PCDHGA2: variants seen among roughly 807,000 people sequenced by gnomAD.
PCDHGA2 encodes protocadherin gamma subfamily A, 2.
Under a neutral mutation model 59.2 loss-of-function variants are expected in PCDHGA2, and 40 were observed. The ratio of observed to expected loss-of-function variants is 0.68; its 90% CI spans 0.52 to 0.88. PCDHGA2 has a LOEUF of 0.88. PCDHGA2 is among the 40% of genes least tolerant of loss of function. PCDHGA2 has a pLI of 0.00. For synonymous variants in PCDHGA2, 560 were observed against 526.0 expected, an observed-to-expected ratio of 1.06 and a Z score of -0.89; for missense variants, 1,226 against 1,204.0, an observed-to-expected ratio of 1.02 and a Z score of -0.27.
intron 1 of PCDHGA2, chr5:141,372,710 T>C (rs1366946720): frequency 6.2e-7 from 1 of 1,613,996 alleles, no homozygotes; most frequent in Admixed American, 1.7e-5. Context: ...ATATAAAGGC[T>C]GAAAATGCTG....
chr5:141,357,212 T>A (rs774627882), intron 1 of PCDHGA2: 9 of 1,613,742 alleles, frequency 5.6e-6, no homozygotes, highest in Non-Finnish European at 6.8e-6. Flanking sequence ...ATCCCAGATG[T>A]CCTGGCTGAC....
chr5:141,384,973 T>C, intron 1 of PCDHGA2: 1 of 1,613,956 alleles, frequency 6.2e-7, no homozygotes, highest in Non-Finnish European at 8.5e-7. Flanking sequence ...CCTCACGTTG[T>C]ACCTGGTGGT....
intron 1 of PCDHGA2, among the ~76,000 whole-genome samples, chr5:141,472,935 A>G (rs1593400204): frequency 6.6e-6 from 1 of 150,778 alleles, no homozygotes; most frequent in East Asian, 1.9e-4. Context: ...GTGGTGAGCC[A>G]AGATTATGCC....
intron 1 of PCDHGA2, chr5:141,400,228 C>T: frequency 1.2e-6 from 2 of 1,614,030 alleles, no homozygotes; most frequent in African/African-American, 2.7e-5. Flanking sequence ...GCTCTTCCTC[C>T]TGGCCGTGAT....
chr5:141,433,313 C>T (rs2097582516), intron 1 of PCDHGA2: 5 of 866,388 alleles, frequency 5.8e-6, no homozygotes, highest in Admixed American at 2.8e-5. Context: ...CCCACCTTTG[C>T]CTCCGGTGTA....
chr5:141,389,886 G>A, intron 1 of PCDHGA2: 1 of 1,614,078 alleles, frequency 6.2e-7, no homozygotes, highest in Non-Finnish European at 8.5e-7. Context: ...CAGCTTGCAG[G>A]AGGTGCTGCC....
rs1230384508 is a variant in PCDHGA2 at position 141,490,990 on chromosome 5, C to T, written c.2425-3817C>T. On this transcript the variant is annotated intron_variant, in intron 1 of 3. Coordinates refer to ENST00000394576, the MANE Select transcript of PCDHGA2 (RefSeq NM_018915.4). The surrounding 1 kb of genome is among the most constrained non-coding windows in gnomAD (Gnocchi z 5.4). ...CCCCCAGCGTCTCCCTCGCTCTGCT[C>T]CTCCTGGCTCCTTGGTCACCAAGGT... 6 of 1,614,102 alleles carry T rather than the reference C, an allele frequency of 3.7e-6. No homozygotes were observed. The highest frequency in any genetic ancestry group is 1.3e-5 in the African/African-American group (1 of 75,064).
At chr5:141,350,295 G>A (rs748197603) in intron 1 of PCDHGA2, 1 of 1,518,322 alleles carries the variant, frequency 6.6e-7, no homozygotes, top group Admixed American at 2.3e-5. Flanking sequence ...ATGATGAAAA[G>A]TCAGGTACTG....
At chr5:141,362,927 A>G (rs940614958) in intron 1 of PCDHGA2, among the ~76,000 whole-genome samples, 2 of 152,224 alleles carry the variant, frequency 1.3e-5, no homozygotes, top group African/African-American at 2.4e-5. Context: ...GAGTAAAGAG[A>G]GTCTTCATTT....
At chr5:141,352,670 G>C in intron 1 of PCDHGA2, 1 of 1,579,078 alleles carries the variant, frequency 6.3e-7, no homozygotes, top group Non-Finnish European at 8.6e-7. Context: ...GTCTTCGCAC[G>C]TGAGTTTCTG....
At chr5:141,442,694 C>A (rs549307212) in intron 1 of PCDHGA2, among the ~76,000 whole-genome samples, 22 of 152,304 alleles carry the variant, frequency 1.4e-4, no homozygotes, top group Non-Finnish European at 3.1e-4. Flanking sequence ...GTCAGGCAGA[C>A]AAGAGTATCA....
intron 1 of PCDHGA2, chr5:141,364,916 T>A (rs1264033754): frequency 1.5e-5 from 25 of 1,613,934 alleles, no homozygotes; most frequent in Non-Finnish European, 2.1e-5. Flanking sequence ...GGAGCTGGTG[T>A]TGGAACAGCC....
chr5:141,388,930 C>G, intron 1 of PCDHGA2: 1 of 1,614,002 alleles, frequency 6.2e-7, no homozygotes, highest in South Asian at 1.1e-5. Flanking sequence ...ATATTCCAGT[C>G]TCTACCCAAC....
chr5:141,439,066 G>A (rs1004595196), intron 1 of PCDHGA2, among the ~76,000 whole-genome samples: 2 of 151,258 alleles, frequency 1.3e-5, no homozygotes, highest in African/African-American at 2.4e-5. Context: ...TGTGGCAGGC[G>A]CCTGTAATCC....
intron 1 of PCDHGA2, chr5:141,351,339 C>A: frequency 6.2e-7 from 1 of 1,613,532 alleles, no homozygotes. Flanking sequence ...GACCTTGGAA[C>A]TGTAATAGCC....
intron 1 of PCDHGA2, among the ~76,000 whole-genome samples, chr5:141,475,250 A>G (rs941738675): frequency 6.6e-6 from 1 of 152,246 alleles, no homozygotes; most frequent in Non-Finnish European, 1.5e-5. Context: ...AGTGTGCTCT[A>G]CAACTGAGAT....
At chr5:141,506,306 G>A (rs539365378) in intron 3 of PCDHGA2, among the ~76,000 whole-genome samples, 4 of 152,040 alleles carry the variant, frequency 2.6e-5, no homozygotes, top group Non-Finnish European at 5.9e-5. Flanking sequence ...AAAATTAGCT[G>A]GGCATGGTGG....
intron 1 of PCDHGA2, chr5:141,394,289 C>G (rs191844335): frequency 2.5e-6 from 4 of 1,613,954 alleles, no homozygotes; most frequent in Admixed American, 1.7e-5. Context: ...ACTCTGTGAC[C>G]GAGGACACGC....
At chr5:141,390,506 T>A in intron 1 of PCDHGA2, 1 of 598,006 alleles carries the variant, frequency 1.7e-6, no homozygotes, top group Non-Finnish European at 2.9e-6. Context: ...CAAGCTTAGA[T>A]TTATAAAGCA....
Sources: gnomAD v4.1 joint callset for allele counts (sites outside exome capture counted in the v4.1 genomes callset) on GRCh38, gnomAD v4.1.1 for gene constraint, Gnocchi (gnomAD v3.1) non-coding constraint, MANE v1.5 for transcripts, NCBI Gene and HGNC (gene_info 2026-07-23, HGNC 2026-07-21) for gene names.